TTC5: variants seen among roughly 807,000 people sequenced by gnomAD.
TTC5 encodes tetratricopeptide repeat protein 5.
In TTC5, 46 loss-of-function variants were observed where a neutral mutation model predicts 57.4. The observed-to-expected ratio is 0.80, with a 90% CI of 0.63 to 1.03. TTC5 has a LOEUF of 1.03. Among genes scored for constraint, TTC5 ranks in the 50% least tolerant of loss-of-function variants. The pLI, the probability that TTC5 is intolerant of heterozygous loss-of-function variation, is 0.00. For synonymous variants in TTC5, 190 were observed against 203.5 expected (o/e 0.93, Z 0.57); for missense variants, 504 against 528.1 (o/e 0.95, Z 0.45).
intron 1 of TTC5, chr14:20,305,526 T>C (rs1418777657): frequency 7.6e-6 from 2 of 263,296 alleles, no homozygotes; most frequent in Non-Finnish European, 1.4e-5. Flanking sequence ...AAATGGCTTT[T>C]GTAGGGATCA....
At chr14:20,303,121 G>A (rs1415318493) in intron 1 of TTC5, among the ~76,000 whole-genome samples, 1 of 151,780 alleles carries the variant, frequency 6.6e-6, no homozygotes, top group Non-Finnish European at 1.5e-5. Context: ...GAACCTGGGA[G>A]GCAGAGGTTG....
In TTC5 at chr14:20,300,143, G is replaced by GTATATATATATATATATATATATATA. The variant is rs1555311668; in HGVS notation, c.396+463_396+464insTATATATATATATATATATATATATA. On this transcript the variant is annotated intron_variant, in intron 3 of 9. Transcript: ENST00000258821. The stretch of plus-strand genomic sequence containing the variant: ...GCATGAGTCACCACGTCTGGTCCAT[G>GTATATATATATATATATATATATATA]TATATATATATATTTTTTTTTTTTT... 2.8e-3 allele frequency among the ~76,000 whole-genome samples: 76 copies of GTATATATATATATATATATATATATA among 27,138 alleles called. 9 individuals carry two copies. Among genetic ancestry groups the GTATATATATATATATATATATATATA allele is most frequent in the Non-Finnish European group, 5.2e-3 (61 of 11,836 alleles). 17.8% of individuals were successfully genotyped at this position (27,138 alleles called of 152,430 possible).
chr14:20,295,513 G>C lies in TTC5; in HGVS notation c.857C>G (p.Thr286Ser). Reference sequence around the variant, plus strand: ...TCCCAGCATGCTCTGCAGCTTTTTGGTCTTCACCTTTCCCTGCAAAGAAGG... The same window carrying C: ...TCCCAGCATGCTCTGCAGCTTTTTGCTCTTCACCTTTCCCTGCAAAGAAGG... ...SLLESKGKVK[T>S]KKLQSMLGSL... The change falls in exon 8 of 10, where the codon ACC becomes AGC. Residue 286 changes from threonine to serine, a missense_variant. Coordinates refer to ENST00000258821, the MANE Select transcript of TTC5 (RefSeq NM_138376.3). 1 of 1,610,530 alleles carries C rather than the reference G, an allele frequency of 6.2e-7. No homozygotes were observed. The highest frequency in any genetic ancestry group is 8.5e-7 in the Non-Finnish European group (1 of 1,177,356).
rs565795881 is a variant in TTC5, at chr14:20,289,484, G to A, written c.*143C>T. ...AGGACAGAGGAGAGAGAAGAGATAC[G>A]AAGTGTAATACAGGCAGGGAAAGAG... is the stretch of plus-strand genomic sequence containing the variant. On this transcript the variant is annotated 3_prime_UTR_variant, in exon 10 of 10. Transcript: ENST00000258821. 31 of 976,870 alleles carry A rather than the reference G, an allele frequency of 3.2e-5. No individual in the cohort carries two copies. In the East Asian group the frequency reaches 3.2e-4, roughly 10 times the overall value. The allele number at this position is 976,870 out of a possible 1,614,324, so 60.5% of individuals were successfully genotyped here. A position where few individuals can be genotyped will look rare whatever the true frequency, so the allele number is the denominator to read the frequency against.
chr14:20,295,290 GGGA>G lies in TTC5; in HGVS notation c.1058+19_1058+21del. The stretch of plus-strand genomic sequence containing the variant: ...CAATTAGTTCAAAAGGGTAAAATGG[GGGA>G]AATCCAAGAGAAACTCACAAGGGGA... On this transcript the variant is annotated intron_variant, in intron 8 of 9. Transcript: ENST00000258821. The G allele has an allele frequency of 6.2e-7, 1 of 1,610,984 alleles. No homozygotes were observed. Among genetic ancestry groups the G allele is most frequent in the Non-Finnish European group, 8.5e-7 (1 of 1,177,244 alleles).
rs1000468637 is a variant in TTC5 at position 20,289,082 on chromosome 14, A to G, written c.*545T>C. 6.6e-6 allele frequency: 1 copy of G among 151,990 alleles called. No individual in the cohort carries two copies. The highest frequency in any genetic ancestry group is 2.4e-5 in the African/African-American group (1 of 41,410). The allele number at this position is 151,990 out of a possible 1,614,324, so 9.4% of individuals were successfully genotyped here. A position where few individuals can be genotyped will look rare whatever the true frequency, so the allele number is the denominator to read the frequency against. Reference sequence around the variant, plus strand: ...TCCAATAAATTGAAGTGATCCTAAAACAAAGAATACAGGCCTAGGGAGAAT... The same window carrying G: ...TCCAATAAATTGAAGTGATCCTAAAGCAAAGAATACAGGCCTAGGGAGAAT... On this transcript the variant is annotated 3_prime_UTR_variant, in exon 10 of 10. Transcript: ENST00000258821.
At position 20,287,156 on chromosome 14, in the gene TTC5, G is replaced by A. The variant is rs1881855181; in HGVS notation, c.*2471C>T. The A allele has an allele frequency of 1.3e-5, 2 of 152,162 alleles. No homozygotes were observed. Among genetic ancestry groups the A allele is most frequent in the African/African-American group, 2.4e-5 (1 of 41,436 alleles). 9.4% of individuals were successfully genotyped at this position (152,162 alleles called of 1,614,324 possible). A position where few individuals can be genotyped will look rare whatever the true frequency, so the allele number is the denominator to read the frequency against. On this transcript the variant is annotated 3_prime_UTR_variant, in exon 10 of 10. Transcript: ENST00000258821. The stretch of plus-strand genomic sequence containing the variant: ...TTCTATGTCAATACTCTTAAACAGT[G>A]GTTCTCAAATTTTACTGTGCATCAG...
In TTC5 at chr14:20,301,837, T is replaced by C. The variant is rs1594266973; in HGVS notation, c.180A>G (p.Val60=). The stretch of plus-strand genomic sequence containing the variant: ...TACAATCTCTAGGGCTCATACCCAC[T>C]ACTTCTTCCATCTGCTGTAGGGTTT... ...MEKTLQQMEE[V]VGSVQGKAQV... The change falls in exon 2 of 10, where the codon GTA becomes GTG. Residue 60 remains valine, a synonymous_variant. Coordinates refer to ENST00000258821, the MANE Select transcript of TTC5 (RefSeq NM_138376.3). 6.2e-7 allele frequency: 1 copy of C among 1,613,906 alleles called. No individual in the cohort carries two copies. The highest frequency in any genetic ancestry group is 8.5e-7 in the Non-Finnish European group (1 of 1,179,940).
rs3737220 is a variant in TTC5 at position 20,289,645 on chromosome 14, C to T, written c.1305G>A (p.Ser435=). 32 of 1,612,972 alleles carry T rather than the reference C, an allele frequency of 2.0e-5. No individual in the cohort carries two copies. The Admixed American group carries it at 2.7e-4, about 13-fold the overall frequency. ...SSSQAVATVA[S]RPQCE ...TCAAAGGTCATTCACACTGTGGTCGCGATGCCACTGTGGCAACAGCCTGGC... is the reference window on the plus strand; with the variant it reads ...TCAAAGGTCATTCACACTGTGGTCGTGATGCCACTGTGGCAACAGCCTGGC... Residue 435 remains serine, a synonymous_variant, in exon 10 of 10, where the codon TCG becomes TCA. Coordinates refer to ENST00000258821, the MANE Select transcript of TTC5 (RefSeq NM_138376.3).
At chr14:20,294,055 A>G (rs974302911) in intron 8 of TTC5, 8 of 152,204 alleles carry the variant, frequency 5.3e-5, no homozygotes, top group Admixed American at 2.6e-4. Flanking sequence ...AATCACACTC[A>G]TGCCATCACG....
In TTC5 at chr14:20,295,787, G is replaced by A; in HGVS notation, c.764C>T (p.Pro255Leu). The A allele has an allele frequency of 1.2e-6, 2 of 1,613,954 alleles. No homozygotes were observed. The highest frequency in any genetic ancestry group is 1.7e-6 in the Non-Finnish European group (2 of 1,179,956). ...TCGTTGCCGGGGCTCTGGCCAGGCA[G>A]GGTCCAGGGCTGCAGCCCGAGAGAA... Reference protein sequence around the residue: ...EGFSRAAALDPAWPEPRQREQ... With the variant: ...EGFSRAAALDLAWPEPRQREQ... The change falls in exon 7 of 10, where the codon CCT (proline) becomes CTT (leucine). Residue 255 changes from proline to leucine, a missense_variant. Pro to Leu is a moderately conservative substitution (Grantham distance 98). Coordinates refer to ENST00000258821, the MANE Select transcript of TTC5 (RefSeq NM_138376.3).
At chr14:20,291,702 C>T (rs929614968) in intron 9 of TTC5, among the ~76,000 whole-genome samples, 8 of 152,010 alleles carry the variant, frequency 5.3e-5, no homozygotes, top group African/African-American at 1.7e-4. Context: ...AAAGAAAAGA[C>T]TTCAGGTATA....
chr14:20,296,341 G>A, intron 6 of TTC5, 49 bp downstream of exon 6: 1 of 1,386,870 alleles, frequency 7.2e-7, no homozygotes, highest in African/African-American at 1.4e-5. Context: ...CTAAGACATA[G>A]GTGTCTTATT....
chr14:20,298,299 C>A (rs1372433753), intron 5 of TTC5, among the ~76,000 whole-genome samples: 1 of 152,186 alleles, frequency 6.6e-6, no homozygotes, highest in Non-Finnish European at 1.5e-5. Context: ...ACCTAATTCA[C>A]TTAATTCCTA....
At chr14:20,289,856 C>G in intron 9 of TTC5, 110 bp from the exon 10 acceptor site, 1 of 1,163,200 alleles carries the variant, frequency 8.6e-7, no homozygotes, top group Non-Finnish European at 1.2e-6. Flanking sequence ...TGTTGTATAC[C>G]CCCTCTACTT....
chr14:20,297,638 T>A (rs12437076), intron 5 of TTC5, among the ~76,000 whole-genome samples: 7 of 151,990 alleles, frequency 4.6e-5, no homozygotes, highest in African/African-American at 1.4e-4. Flanking sequence ...GGGCATGGTG[T>A]GGCACGTGCC....
In TTC5 at chr14:20,295,821, G is replaced by T; in HGVS notation, c.730C>A (p.Leu244Met). 1 of 1,598,862 alleles carries T rather than the reference G, an allele frequency of 6.3e-7. No homozygotes were observed. Residue 244 changes from leucine to methionine, a missense_variant, in exon 7 of 10, where the codon CTG (leucine) becomes ATG (methionine). Physicochemically the swap from Leu to Met is conservative, Grantham distance 15. Coordinates refer to ENST00000258821, the MANE Select transcript of TTC5 (RefSeq NM_138376.3). ...HKYEESYGEALEGFSRAAALD... is the reference protein window; with the variant it reads ...HKYEESYGEAMEGFSRAAALD... ...GCTGCAGCCCGAGAGAAGCCCTCCA[G>T]GGCCTCCCCATAACTCTCTTCATAT...
intron 1 of TTC5, 171 bp downstream of exon 1, chr14:20,305,716 A>T: frequency 3.0e-6 from 2 of 661,790 alleles, no homozygotes; most frequent in Non-Finnish European, 5.4e-6. Flanking sequence ...GGAGGTTCCA[A>T]CGAGGCTCCC....
In TTC5 at chr14:20,292,126, T is replaced by C. The variant is rs185165836; in HGVS notation, c.1060A>G (p.Thr354Ala). The C allele has an allele frequency of 3.0e-5, 47 of 1,560,992 alleles. No homozygotes were observed. In the Admixed American group the frequency reaches 3.9e-4, roughly 13 times the overall value. Residue 354 changes from threonine to alanine, a missense_variant and splice_region_variant, in exon 9 of 10, where the codon ACA becomes GCA. Physicochemically the swap from Thr to Ala is moderately conservative, Grantham distance 58. Coordinates refer to ENST00000258821, the MANE Select transcript of TTC5 (RefSeq NM_138376.3). Reference sequence around the variant, plus strand: ...CCATCTGAATCTACCAGGCCAAATGTACTACCAAGTAAAGACAGATTAGGA... The same window carrying C: ...CCATCTGAATCTACCAGGCCAAATGCACTACCAAGTAAAGACAGATTAGGA... ...SLTTEEKVPFTFGLVDSDGPC... is the reference protein window; with the variant it reads ...SLTTEEKVPFAFGLVDSDGPC...
Sources: gnomAD v4.1 joint callset for allele counts (sites outside exome capture counted in the v4.1 genomes callset) on GRCh38, gnomAD v4.1.1 for gene constraint, MANE v1.5 for transcripts, NCBI Gene and HGNC (gene_info 2026-07-23, HGNC 2026-07-21) for gene names.